SETD7: variants seen among roughly 807,000 people sequenced by gnomAD.
SETD7 encodes the protein histone-lysine N-methyltransferase SETD7.
Under a neutral mutation model 41.8 loss-of-function variants are expected in SETD7, and 16 were observed. The observed-to-expected ratio is 0.38, with a 90% CI of 0.26 to 0.58. SETD7 has a LOEUF of 0.58. Among genes scored for constraint, SETD7 ranks in the 20% least tolerant of loss-of-function variants. SETD7 has a pLI of 0.64. For synonymous variants in SETD7, 163 were observed against 169.7 expected (o/e 0.96, Z 0.31); for missense variants, 346 against 459.7 (o/e 0.75, Z 2.26).
chr4:139,502,163 C>T (rs748587854), downstream of SETD7, among the ~76,000 whole-genome samples: 1 of 152,154 alleles, frequency 6.6e-6, no homozygotes, highest in Non-Finnish European at 1.5e-5. Context: ...ACTCACTCTA[C>T]GAGTATTTAT....
chr4:139,551,246 A>G (rs955557930), intron 1 of SETD7, among the ~76,000 whole-genome samples: 3 of 152,268 alleles, frequency 2.0e-5, no homozygotes, highest in Non-Finnish European at 4.4e-5. Context: ...ACAGCCTTCC[A>G]GGCGAGTTCC....
At chr4:139,547,175 C>A (rs1003731351) in intron 1 of SETD7, 126 bp from the exon 2 acceptor site, 3 of 1,229,618 alleles carry the variant, frequency 2.4e-6, no homozygotes, top group Admixed American at 2.6e-5. Context: ...AAAGGGTCCC[C>A]TCCCTGGAAA....
chr4:139,503,198 A>AAG (rs1158744148), downstream of SETD7, among the ~76,000 whole-genome samples: 16 of 150,868 alleles, frequency 1.1e-4, no homozygotes, highest in African/African-American at 3.2e-4. Flanking sequence ...AAAAAAAAAA[A>AAG]AAGAAGCTGG....
rs904131615 is a variant in SETD7 at position 139,555,088 on chromosome 4, G to C, written c.40+1010C>G. ...TGGAACCAAATAAATACGCTAAAGA[G>C]TATTTTCCAGTATTCGCTGTTACAA... On this transcript the variant is annotated intron_variant, in intron 1 of 7. Transcript: ENST00000274031. This position sits in a 1 kb window ranked among gnomAD's most constrained non-coding sequence, Gnocchi z 4.0. Among the ~76,000 whole-genome samples the C allele has an allele frequency of 6.7e-6, 1 of 149,644 alleles. No individual in the cohort carries two copies. The highest frequency in any genetic ancestry group is 1.5e-5 in the Non-Finnish European group (1 of 67,784).
intron 6 of SETD7, 67 bp from the exon 7 acceptor site, chr4:139,518,109 A>G: frequency 6.8e-7 from 1 of 1,460,420 alleles, no homozygotes; most frequent in South Asian, 1.4e-5. Context: ...GACATCAGAG[A>G]TATTAACTCA....
Position 139,511,784 on chromosome 4 carries a change from G to A in SETD7, c.980C>T (p.Ala327Val). 1 of 1,614,134 alleles carries A rather than the reference G, an allele frequency of 6.2e-7. No homozygotes were observed. Among genetic ancestry groups the A allele is most frequent in the Non-Finnish European group, 8.5e-7 (1 of 1,180,016 alleles). ...ATAGGCAACGGTGAGCTCTTCATCGGCCTCCACTGCTCTCAGGGTGCGGAT... is the reference window on the plus strand; with the variant it reads ...ATAGGCAACGGTGAGCTCTTCATCGACCTCCACTGCTCTCAGGGTGCGGAT... ...KCIRTLRAVE[A>V]DEELTVAYGY... Residue 327 changes from alanine (A) to valine (V), a missense_variant, in exon 8 of 8, where the codon GCC becomes GTC. By Grantham distance (64) the Ala-to-Val change is moderately conservative. Around this residue, in one of 3 missense-constraint regions of SETD7, gnomAD observed 75 missense variants for 65.5 expected, o/e 1.14. Coordinates refer to ENST00000274031, the MANE Select transcript of SETD7 (RefSeq NM_030648.4).
At position 139,511,534 on chromosome 4, in the gene SETD7, G is replaced by A. The variant is rs1726875280; in HGVS notation, c.*129C>T. 12 of 1,542,366 alleles carry A rather than the reference G, an allele frequency of 7.8e-6. No individual in the cohort carries two copies. The highest frequency in any genetic ancestry group is 6.1e-5 in the South Asian group (5 of 82,508). On this transcript the variant is annotated 3_prime_UTR_variant, in exon 8 of 8. Coordinates refer to ENST00000274031, the MANE Select transcript of SETD7 (RefSeq NM_030648.4). ...AACCTAGTTAGTATGCGAGAAAGTC[G>A]TTGCTAACGCATGGTGAGAGGATGT...
In SETD7 at chr4:139,506,483, G is replaced by A. The variant is rs150168901; in HGVS notation, c.*5180C>T. The A allele has an allele frequency of 3.5e-4, 54 of 152,672 alleles. No homozygotes were observed. The highest frequency in any genetic ancestry group is 1.3e-3 in the African/African-American group (52 of 41,554). 9.5% of individuals were successfully genotyped at this position (152,672 alleles called of 1,614,324 possible). A position where few individuals can be genotyped will look rare whatever the true frequency, so the allele number is the denominator to read the frequency against. ...ACCCAGGAGGAAACTTTTGAAGAAG[G>A]GAGCTCAGAATCATGGACATAATTT... On this transcript the variant is annotated 3_prime_UTR_variant, in exon 8 of 8. Transcript: ENST00000274031.
chr4:139,536,709 T>TA (rs796565579), intron 2 of SETD7, among the ~76,000 whole-genome samples: 21 of 141,688 alleles, frequency 1.5e-4, no homozygotes, highest in African/African-American at 4.2e-4. Context: ...GACTCTGTCT[T>TA]AAAAAAAAAA....
At chr4:139,525,166 G>A (rs750533721) in intron 4 of SETD7, among the ~76,000 whole-genome samples, 3 of 152,146 alleles carry the variant, frequency 2.0e-5, no homozygotes, top group Non-Finnish European at 4.4e-5. Flanking sequence ...ATGTTCTATT[G>A]AGTGGAAATT....
intron 7 of SETD7, among the ~76,000 whole-genome samples, chr4:139,498,440 G>C (rs1726507515): frequency 6.6e-6 from 1 of 152,148 alleles, no homozygotes; most frequent in Non-Finnish European, 1.5e-5. Context: ...CCTGCTGACT[G>C]CCTCTCCATT....
chr4:139,523,255 C>T (rs1458677921), intron 5 of SETD7, 99 bp downstream of exon 5: 2 of 808,550 alleles, frequency 2.5e-6, no homozygotes, highest in African/African-American at 3.4e-5. Context: ...AGCTGGAACC[C>T]AGCCTGGGCA....
At position 139,546,502 on chromosome 4, in the gene SETD7, C is replaced by A. The variant is rs78144462; in HGVS notation, c.170+418G>T. ...CTGAACGCAATAGAGTGTGTGTGAC[C>A]CTTGGAAAAAAGTGTGAATCTGACT... On this transcript the variant is annotated intron_variant, in intron 2 of 7. Coordinates refer to ENST00000274031, the MANE Select transcript of SETD7 (RefSeq NM_030648.4). The A allele has an allele frequency of 9.0e-3, 2,739 of 304,676 alleles. 67 individuals are homozygous for A. Among genetic ancestry groups the A allele is most frequent in the African/African-American group, 0.057 (2,548 of 44,972 alleles). The allele number at this position is 304,676 out of a possible 1,614,324, so 18.9% of individuals were successfully genotyped here.
chr4:139,501,807 T>A (rs1726582723), downstream of SETD7, among the ~76,000 whole-genome samples: 1 of 152,150 alleles, frequency 6.6e-6, no homozygotes, highest in South Asian at 2.1e-4. Flanking sequence ...GGTCTGGCAG[T>A]GTCCATCCAC....
chr4:139,513,091 A>G (rs1436215616), intron 7 of SETD7, among the ~76,000 whole-genome samples: 4 of 151,964 alleles, frequency 2.6e-5, no homozygotes. Flanking sequence ...GGTTGGTGAG[A>G]CAGCAAAGGA....
chr4:139,520,262 G>C lies in SETD7; in HGVS notation c.762+15C>G, dbSNP rs1033443503. 2.2e-6 allele frequency: 3 copies of C among 1,392,148 alleles called. No individual in the cohort carries two copies. Among genetic ancestry groups the C allele is most frequent in the Non-Finnish European group, 3.0e-6 (3 of 1,002,328 alleles). The allele number at this position is 1,392,148 out of a possible 1,614,324, so 86.2% of individuals were successfully genotyped here. On this transcript the variant is annotated intron_variant, in intron 6 of 7. Transcript: ENST00000274031. Reference sequence around the variant, plus strand: ...TAACCAACAAAGTTGATTTTCCACTGTCAGCCCCACTCACCTCTTGGTGTG... The same window carrying C: ...TAACCAACAAAGTTGATTTTCCACTCTCAGCCCCACTCACCTCTTGGTGTG...
chr4:139,513,975 T>G (rs1726950672), intron 7 of SETD7, among the ~76,000 whole-genome samples: 1 of 152,154 alleles, frequency 6.6e-6, no homozygotes, highest in Non-Finnish European at 1.5e-5. Context: ...ATCACAACTC[T>G]TTGCTTAAAT....
At chr4:139,522,660 G>GTCAATGCT (rs1727208687) in intron 5 of SETD7, among the ~76,000 whole-genome samples, 1 of 151,782 alleles carries the variant, frequency 6.6e-6, no homozygotes, top group Non-Finnish European at 1.5e-5. Context: ...TTCCCCTAGA[G>GTCAATGCT]GGCCAGCATG....
At chr4:139,512,730 TAG>T (rs1337227566) in intron 7 of SETD7, among the ~76,000 whole-genome samples, 1 of 150,610 alleles carries the variant, frequency 6.6e-6, no homozygotes, top group Non-Finnish European at 1.5e-5. Flanking sequence ...CTCATTCATT[TAG>T]AGTCTTTTTT....
Sources: gnomAD v4.1 joint callset for allele counts (sites outside exome capture counted in the v4.1 genomes callset) on GRCh38, gnomAD v4.1.1 for gene constraint, gnomAD v4.1.1 regional missense constraint, Gnocchi (gnomAD v3.1) non-coding constraint, MANE v1.5 for transcripts, NCBI Gene and HGNC (gene_info 2026-07-23, HGNC 2026-07-21) for gene names.